Variants in BEAN1 observed in about 807,000 individuals in gnomAD.
The protein encoded by BEAN1 is protein BEAN1.
Under a neutral mutation model 17.7 loss-of-function variants are expected in BEAN1, and 17 were observed. The ratio of observed to expected loss-of-function variants is 0.96; its 90% CI spans 0.66 to 1.44. BEAN1 has a LOEUF of 1.44. BEAN1 is among the 40% of genes most tolerant of loss of function. BEAN1 has a pLI of 0.00. For missense variants in BEAN1, 359 were observed against 374.1 expected (o/e 0.96, Z 0.33); for synonymous variants, 142 against 151.8 (o/e 0.94, Z 0.47).
In BEAN1 at chr16:66,481,181, A is replaced by G. The variant is rs190965995; in HGVS notation, c.*256A>G. 112 of 416,704 alleles carry G rather than the reference A, an allele frequency of 2.7e-4. No individual in the cohort carries two copies. The highest frequency in any genetic ancestry group is 3.2e-4 in the Non-Finnish European group (76 of 237,310). 25.8% of individuals were successfully genotyped at this position (416,704 alleles called of 1,614,324 possible). ...AAACCCACCTGCAAAGGTTTCACGG[A>G]ACGTGGAGCTCTCCTGGCCTCCCGT... On this transcript the variant is annotated 3_prime_UTR_variant, in exon 5 of 5. Transcript: ENST00000536005. This position sits in a 1 kb window ranked among gnomAD's most constrained non-coding sequence, Gnocchi z 4.1.
rs932172011 is a variant in BEAN1 at position 66,440,101 on chromosome 16, C to T, written c.25+2400C>T. 5.4e-5 allele frequency among the ~76,000 whole-genome samples: 8 copies of T among 149,524 alleles called. 1 individual carries two copies. In the East Asian group the frequency reaches 1.6e-3, roughly 29 times the overall value. On this transcript the variant is annotated intron_variant, in intron 2 of 4. Coordinates refer to ENST00000536005, the MANE Select transcript of BEAN1 (RefSeq NM_001178020.3). ...TTCCATGGTTTCCATTTCTCAGCTG[C>T]GTCTCACCCTGTTGGGTACTTCTTT... is the stretch of plus-strand genomic sequence containing the variant.
At chr16:66,491,814 C>T (rs771189978) in intron 4 of BEAN1, among the ~76,000 whole-genome samples, 28 of 152,256 alleles carry the variant, frequency 1.8e-4, no homozygotes, top group Admixed American at 5.9e-4. Context: ...TGACAGGAGG[C>T]GGAGCTCAAG....
chr16:66,436,179 C>T (rs914476737), intron 1 of BEAN1, among the ~76,000 whole-genome samples: 1 of 152,292 alleles, frequency 6.6e-6, no homozygotes, highest in Admixed American at 6.5e-5. Context: ...TATCTCTCTC[C>T]TGTTCCTACA....
intron 3 of BEAN1, among the ~76,000 whole-genome samples, chr16:66,474,508 C>A (rs2142445906): frequency 7.0e-6 from 1 of 143,046 alleles, no homozygotes; most frequent in Non-Finnish European, 1.5e-5. Flanking sequence ...AGCCACAAAT[C>A]TTTGAGAATG....
intron 2 of BEAN1, among the ~76,000 whole-genome samples, chr16:66,438,325 AG>A (rs796592224): frequency 2.6e-5 from 4 of 151,820 alleles, no homozygotes; most frequent in African/African-American, 9.7e-5. Context: ...CGGAGGTTGC[AG>A]TGAGCCGAGA....
At chr16:66,461,319 C>T (rs1486004653) in intron 2 of BEAN1, among the ~76,000 whole-genome samples, 1 of 152,152 alleles carries the variant, frequency 6.6e-6, no homozygotes, top group Admixed American at 6.5e-5. Context: ...CCTACCTCTG[C>T]CGGTTGTGGT....
chr16:66,443,078 T>C (rs1419642836), intron 2 of BEAN1, among the ~76,000 whole-genome samples: 1 of 152,240 alleles, frequency 6.6e-6, no homozygotes, highest in African/African-American at 2.4e-5. Context: ...TGTAGCACTC[T>C]TTCCCACTGA....
chr16:66,487,894 G>A (rs966798064), intron 4 of BEAN1, among the ~76,000 whole-genome samples: 1 of 152,196 alleles, frequency 6.6e-6, no homozygotes, highest in Middle Eastern at 3.2e-3. Context: ...GGCAGAGAGA[G>A]CAGGTTCTCA....
At chr16:66,488,682 G>A (rs556986428) in intron 4 of BEAN1, among the ~76,000 whole-genome samples, 78 of 151,762 alleles carry the variant, frequency 5.1e-4, no homozygotes, top group African/African-American at 1.7e-3. Flanking sequence ...GGGCAACAGG[G>A]TGAGATCATA....
intron 2 of BEAN1, among the ~76,000 whole-genome samples, chr16:66,442,404 A>T (rs1326624431): frequency 6.6e-6 from 1 of 152,142 alleles, no homozygotes; most frequent in African/African-American, 2.4e-5. Context: ...CTAAGGAAGG[A>T]GGGGTTTGGG....
chr16:66,474,594 G>GGA lies in BEAN1; in HGVS notation c.290-2966_290-2965insGA, dbSNP rs1567505068. ...AGAGGGAGGGAGAGAGGGAGGGAGG[G>GGA]AGGGAGGGAGAGAGGGAGGGAGGAA... On this transcript the variant is annotated intron_variant, in intron 3 of 4. Coordinates refer to ENST00000536005, the MANE Select transcript of BEAN1 (RefSeq NM_001178020.3). Among the ~76,000 whole-genome samples, 8 of 23,560 alleles carry GGA rather than the reference G, an allele frequency of 3.4e-4. 1 individual carries two copies. The East Asian group carries it at 0.011, about 33-fold the overall frequency. The allele number at this position is 23,560 out of a possible 152,430, so 15.5% of individuals were successfully genotyped here.
rs117244817 is a variant in BEAN1 at position 66,492,346 on chromosome 16, C to A, written c.148-616C>A. Reference sequence around the variant, plus strand: ...TGTGAGCAGTCACACTCGGCCCCTACCAGAGTTTTAATTTCTTCCTGCTCC... The same window carrying A: ...TGTGAGCAGTCACACTCGGCCCCTAACAGAGTTTTAATTTCTTCCTGCTCC... On this transcript the variant is annotated intron_variant, in intron 4 of 4. Coordinates refer to the BEAN1 transcript ENST00000561796. Among the ~76,000 whole-genome samples the A allele has an allele frequency of 2.3e-4, 35 of 151,662 alleles. No individual in the cohort carries two copies. In the East Asian group the frequency reaches 6.8e-3, roughly 30 times the overall value.
rs182613910 is a variant in BEAN1 at position 66,487,883 on chromosome 16, G to A, written c.147+4968G>A. Among the ~76,000 whole-genome samples, 11 of 152,224 alleles carry A rather than the reference G, an allele frequency of 7.2e-5. No individual in the cohort carries two copies. The East Asian group carries it at 2.1e-3, about 29-fold the overall frequency. On this transcript the variant is annotated intron_variant, in intron 4 of 4. Coordinates refer to the BEAN1 transcript ENST00000561796. ...TGTTCCCAAAGTCAGTCACACTGACGGGCAGAGAGAGCAGGTTCTCACGAA... is the reference window on the plus strand; with the variant it reads ...TGTTCCCAAAGTCAGTCACACTGACAGGCAGAGAGAGCAGGTTCTCACGAA...
Position 66,434,125 on chromosome 16 carries a change from C to T in BEAN1, c.-82-3470C>T, listed in dbSNP as rs954134216. 1.3e-5 allele frequency among the ~76,000 whole-genome samples: 2 copies of T among 152,160 alleles called. No homozygotes were observed. The highest frequency in any genetic ancestry group is 2.9e-5 in the Non-Finnish European group (2 of 68,028). On this transcript the variant is annotated intron_variant, in intron 1 of 4. Coordinates refer to ENST00000536005, the MANE Select transcript of BEAN1 (RefSeq NM_001178020.3). The surrounding 1 kb of genome is among the most constrained non-coding windows in gnomAD (Gnocchi z 4.3). ...GTAGGAGATGAGTCACTGGCAGGAG[C>T]GAGCCTCGCATGCTGGGCTCAAAGA...
At chr16:66,446,265 A>G (rs1466513199) in intron 2 of BEAN1, among the ~76,000 whole-genome samples, 1 of 152,064 alleles carries the variant, frequency 6.6e-6, no homozygotes, top group Non-Finnish European at 1.5e-5. Flanking sequence ...TCATAGTGGA[A>G]GTGTCAATAT....
Position 66,477,672 on chromosome 16 carries a change from C to A in BEAN1, c.402C>A (p.Ala134=). 1 of 1,550,454 alleles carries A rather than the reference C, an allele frequency of 6.4e-7. No homozygotes were observed. The highest frequency in any genetic ancestry group is 8.7e-7 in the Non-Finnish European group (1 of 1,146,472). Residue 134 remains alanine, a synonymous_variant, in exon 4 of 5, where the codon GCC becomes GCA. Coordinates refer to ENST00000536005, the MANE Select transcript of BEAN1 (RefSeq NM_001178020.3). ...TCAGCTCTGACGGGGACGTGGATGCCACGGTGCTCAGGGAGCTGTACCCAG... is the reference window on the plus strand; with the variant it reads ...TCAGCTCTGACGGGGACGTGGATGCAACGGTGCTCAGGGAGCTGTACCCAG... ...LDISSDGDVD[A]TVLRELYPDS... is the part of the protein sequence containing the mutation.
At chr16:66,469,431 G>A (rs1390042233) in intron 2 of BEAN1, among the ~76,000 whole-genome samples, 171 bp from the exon 3 acceptor site, 2 of 152,180 alleles carry the variant, frequency 1.3e-5, no homozygotes, top group Non-Finnish European at 2.9e-5. Flanking sequence ...AGCGGAGTGA[G>A]GTGCTGCTCT....
intron 1 of BEAN1, among the ~76,000 whole-genome samples, chr16:66,431,124 C>T (rs956265212): frequency 4.6e-5 from 7 of 152,008 alleles, no homozygotes; most frequent in Admixed American, 3.9e-4. Context: ...AAATTTTTTT[C>T]AATAACAAAT....
intron 1 of BEAN1, among the ~76,000 whole-genome samples, chr16:66,430,415 T>C (rs1961752790): frequency 1.3e-5 from 2 of 152,238 alleles, no homozygotes; most frequent in Non-Finnish European, 2.9e-5. Context: ...GACTATCTAA[T>C]TCTGCCAGGT....
Sources: allele counts gnomAD v4.1 joint callset (sites outside exome capture counted in the v4.1 genomes callset), GRCh38; gene constraint gnomAD v4.1.1; non-coding constraint Gnocchi (gnomAD v3.1); transcripts MANE v1.5; gene names NCBI Gene and HGNC (gene_info 2026-07-23, HGNC 2026-07-21).